Variants in ADAMTS15 observed in about 807,000 individuals in gnomAD.
ADAMTS15 encodes the protein A disintegrin and metalloproteinase with thrombospondin motifs 15.
In ADAMTS15, 35 loss-of-function variants were observed where a neutral mutation model predicts 79.1. The observed-to-expected ratio is 0.44, with a 90% CI of 0.34 to 0.59. The LOEUF is 0.59. Ranked by LOEUF, ADAMTS15 falls within the 20% of genes least tolerant of loss-of-function variation. The probability of loss-of-function intolerance (pLI) is 0.02; values close to 1 mark genes in which losing one functional copy is unlikely to be tolerated. For missense variants in ADAMTS15, 1,324 were observed against 1,318.7 expected, an observed-to-expected ratio of 1.00 and a Z score of -0.06; for synonymous variants, 616 against 567.3, an observed-to-expected ratio of 1.09 and a Z score of -1.22.
chr11:130,470,185 T>TATATATAC (rs1565397844), intron 5 of ADAMTS15, among the ~76,000 whole-genome samples: 2 of 47,212 alleles, frequency 4.2e-5, no homozygotes, highest in Non-Finnish European at 8.2e-5. Context: ...TATATATGTG[T>TATATATAC]GTATATATAT....
intron 4 of ADAMTS15, among the ~76,000 whole-genome samples, chr11:130,465,343 C>G (rs1413453821): frequency 6.6e-6 from 1 of 152,194 alleles, no homozygotes; most frequent in Non-Finnish European, 1.5e-5. Context: ...CGCGGGAACC[C>G]CATCCCCTCT....
At chr11:130,471,820 G>T (rs1401989096) in intron 7 of ADAMTS15, among the ~76,000 whole-genome samples, 1 of 152,224 alleles carries the variant, frequency 6.6e-6, no homozygotes, top group Non-Finnish European at 1.5e-5. Flanking sequence ...TGCTCTTGTG[G>T]GGAATAAGGG....
At position 130,472,969 on chromosome 11, in the gene ADAMTS15, G is replaced by A; in HGVS notation, c.2079-78G>A. ...GAATTCACCGAAAGCTAGGTTTACT[G>A]AGGAAAACAGATCCTGGAGCATAAG... On this transcript the variant is annotated intron_variant, in intron 7 of 7. Transcript: ENST00000299164. This position sits in a 1 kb window ranked among gnomAD's most constrained non-coding sequence, Gnocchi z 4.7. The A allele has an allele frequency of 3.9e-6, 6 of 1,551,680 alleles. No individual in the cohort carries two copies. The highest frequency in any genetic ancestry group is 5.2e-6 in the Non-Finnish European group (6 of 1,147,486).
At chr11:130,450,624 G>A (rs932922367) in intron 1 of ADAMTS15, among the ~76,000 whole-genome samples, 1 of 152,184 alleles carries the variant, frequency 6.6e-6, no homozygotes, top group Non-Finnish European at 1.5e-5. Flanking sequence ...TGTAGTTAGG[G>A]CACCTGTTTG....
intron 4 of ADAMTS15, among the ~76,000 whole-genome samples, chr11:130,465,114 C>A (rs904676799): frequency 6.6e-6 from 1 of 152,094 alleles, no homozygotes; most frequent in African/African-American, 2.4e-5. Context: ...TAGTTCACAC[C>A]CACCATCACC....
Position 130,462,887 on chromosome 11 carries a change from G to T in ADAMTS15, c.1542+107G>T. The T allele has an allele frequency of 6.9e-7, 1 of 1,452,656 alleles. No homozygotes were observed. The highest frequency in any genetic ancestry group is 9.3e-7 in the Non-Finnish European group (1 of 1,076,472). 90.0% of individuals were successfully genotyped at this position (1,452,656 alleles called of 1,614,324 possible). On this transcript the variant is annotated intron_variant, in intron 4 of 7. Coordinates refer to ENST00000299164, the MANE Select transcript of ADAMTS15 (RefSeq NM_139055.4). The surrounding 1 kb of genome is among the most constrained non-coding windows in gnomAD (Gnocchi z 4.3). ...ACCAGGAAGGTGCCTATCACAGACTGGCCACGGGACCAGCACTGTTGCATG... is the reference window on the plus strand; with the variant it reads ...ACCAGGAAGGTGCCTATCACAGACTTGCCACGGGACCAGCACTGTTGCATG...
At chr11:130,450,823 ACTTCAGGGCTCTAG>A (rs1037897693) in intron 1 of ADAMTS15, among the ~76,000 whole-genome samples, 4 of 152,232 alleles carry the variant, frequency 2.6e-5, no homozygotes, top group African/African-American at 7.2e-5. Context: ...ACCACACTTG[ACTTCAGGGCTCTAG>A]CTTCTGCCCT....
chr11:130,470,094 G>A (rs1014224751), intron 5 of ADAMTS15, among the ~76,000 whole-genome samples: 1 of 131,808 alleles, frequency 7.6e-6, no homozygotes, highest in Non-Finnish European at 1.6e-5. Context: ...CAGAATTATA[G>A]TAGTTATCAG....
intron 4 of ADAMTS15, among the ~76,000 whole-genome samples, chr11:130,464,255 C>T (rs1224116609): frequency 6.6e-6 from 1 of 152,162 alleles, no homozygotes; most frequent in Admixed American, 6.5e-5. Context: ...AAAATGCAGT[C>T]TGAGAAGCAC....
At chr11:130,468,708 T>G (rs1480407121) in intron 4 of ADAMTS15, among the ~76,000 whole-genome samples, 1 of 139,526 alleles carries the variant, frequency 7.2e-6, no homozygotes, top group Non-Finnish European at 1.5e-5. Flanking sequence ...GAGCTTGCAG[T>G]GAGCCGGGAT....
At chr11:130,453,249 G>A (rs1342744357) in intron 1 of ADAMTS15, among the ~76,000 whole-genome samples, 1 of 150,026 alleles carries the variant, frequency 6.7e-6, no homozygotes, top group Non-Finnish European at 1.5e-5. Flanking sequence ...CTTCTGCTTT[G>A]CTCTCTGTGA....
At chr11:130,470,874 C>T in intron 5 of ADAMTS15, 46 bp from the exon 6 acceptor site, 1 of 1,585,768 alleles carries the variant, frequency 6.3e-7, no homozygotes, top group Non-Finnish European at 8.6e-7. Context: ...TTGCACCGGC[C>T]TTGTCCCTTC....
In ADAMTS15 at chr11:130,473,051, G is replaced by C; in HGVS notation, c.2083G>C (p.Gly695Arg). Residue 695 changes from glycine (G) to arginine (R), a missense_variant, in exon 8 of 8, where the codon GGC (glycine) becomes CGC (arginine). Transcript: ENST00000299164. ...GGCCCCCCTTTCCCCCGCCAGGCAT[G>C]GCTACAATTTCGTGGTGGCCATCCC... The part of the protein sequence containing the change: ...VTGLFTKPMH[G>R]YNFVVAIPAG... The C allele has an allele frequency of 6.2e-7, 1 of 1,613,182 alleles. No homozygotes were observed. Among genetic ancestry groups the C allele is most frequent in the Non-Finnish European group, 8.5e-7 (1 of 1,179,350 alleles).
At chr11:130,454,293 C>T (rs1047813508) in intron 1 of ADAMTS15, among the ~76,000 whole-genome samples, 18 of 152,194 alleles carry the variant, frequency 1.2e-4, no homozygotes, top group African/African-American at 3.9e-4. Flanking sequence ...TCTGACTTTT[C>T]CCCTCTCACA....
chr11:130,451,960 A>G (rs1937970099), intron 1 of ADAMTS15, among the ~76,000 whole-genome samples: 1 of 152,210 alleles, frequency 6.6e-6, no homozygotes, highest in Non-Finnish European at 1.5e-5. Flanking sequence ...CCTTCCCCTT[A>G]GGTGCCTAGA....
Position 130,471,084 on chromosome 11 carries a change from T to A in ADAMTS15, c.1885T>A (p.Tyr629Asn). ...ICRANGTGYF[Y>N]VLAPKVVDGT... Reference sequence around the variant, plus strand: ...CCGAGCCAATGGCACTGGCTACTTCTATGTGCTGGCACCCAAGGTGAGTGA... The same window carrying A: ...CCGAGCCAATGGCACTGGCTACTTCAATGTGCTGGCACCCAAGGTGAGTGA... Residue 629 changes from tyrosine (Y) to asparagine (N), a missense_variant, in exon 6 of 8, where the codon TAT becomes AAT. Physicochemically the swap from Tyr to Asn is moderately radical, Grantham distance 143 (BLOSUM62 -2). Transcript: ENST00000299164. 1.9e-6 allele frequency: 3 copies of A among 1,613,644 alleles called. No homozygotes were observed. The highest frequency in any genetic ancestry group is 2.5e-6 in the Non-Finnish European group (3 of 1,179,802).
rs1486166298 is a variant in ADAMTS15, at chr11:130,449,523, A to G, written c.550A>G (p.Ile184Val). The change falls in exon 1 of 8, where the codon ATC (isoleucine) becomes GTC (valine). Residue 184 changes from isoleucine to valine, a missense_variant. By Grantham distance (29) the Ile-to-Val change is conservative (BLOSUM62 3). Transcript: ENST00000299164. This position sits in a 1 kb window ranked among gnomAD's most constrained non-coding sequence, Gnocchi z 7.8. Reference sequence around the variant, plus strand: ...GGTGGCCTCGGGCTGGAACCCCGCCATCCTACGGGCCCTGGACCCTTACAA... The same window carrying G: ...GGTGGCCTCGGGCTGGAACCCCGCCGTCCTACGGGCCCTGGACCCTTACAA... ...CGVASGWNPAILRALDPYKPR... is the reference protein window; with the variant it reads ...CGVASGWNPAVLRALDPYKPR... 6.4e-7 allele frequency: 1 copy of G among 1,560,688 alleles called. No homozygotes were observed.
chr11:130,453,290 T>C (rs1938003133), intron 1 of ADAMTS15, among the ~76,000 whole-genome samples: 1 of 151,840 alleles, frequency 6.6e-6, no homozygotes, highest in Admixed American at 6.6e-5. Flanking sequence ...TTTTTTTTTT[T>C]TTTTTAGGAC....
rs60813103 is a variant in ADAMTS15 at position 130,470,164 on chromosome 11, A to ACG, written c.1720+725_1720+726insCG. ...TATATATATATATGTGTATATATATATATATATATATATATATGTGTGTAT... is the reference window on the plus strand; with the variant it reads ...TATATATATATATGTGTATATATATACGTATATATATATATATATGTGTGTAT... On this transcript the variant is annotated intron_variant, in intron 5 of 7. Transcript: ENST00000299164. Among the ~76,000 whole-genome samples the ACG allele has an allele frequency of 1.9e-4, 11 of 58,238 alleles. 1 individual carries two copies. The highest frequency in any genetic ancestry group is 0.015 in the Middle Eastern group (2 of 134). The allele number at this position is 58,238 out of a possible 152,430, so 38.2% of individuals were successfully genotyped here.
Sources: allele counts gnomAD v4.1 joint callset (sites outside exome capture counted in the v4.1 genomes callset), GRCh38; gene constraint gnomAD v4.1.1; non-coding constraint Gnocchi (gnomAD v3.1); transcripts MANE v1.5; gene names NCBI Gene and HGNC (gene_info 2026-07-23, HGNC 2026-07-21).